Variants in PTPRD observed in about 807,000 individuals in gnomAD.
The protein encoded by PTPRD is protein tyrosine phosphatase receptor type D.
A neutral mutation model predicts 214.5 loss-of-function variants in PTPRD; 34 were observed. The ratio of observed to expected loss-of-function variants is 0.16; its 90% confidence interval spans 0.12 to 0.21. PTPRD has a LOEUF of 0.21. PTPRD is among the 10% of genes least tolerant of loss of function. The probability of loss-of-function intolerance (pLI) is 1.00; values close to 1 mark genes in which losing one functional copy is unlikely to be tolerated. For synonymous variants in PTPRD, 1,128 were observed against 845.7 expected (o/e 1.33, Z -5.79); for missense variants, 2,545 against 2,398.7 (o/e 1.06, Z -1.27).
intron 3 of PTPRD, among the ~76,000 whole-genome samples, chr9:10,285,479 A>G (rs922592026): frequency 6.6e-6 from 1 of 152,182 alleles, no homozygotes; most frequent in Non-Finnish European, 1.5e-5. Flanking sequence ...ATTCTTATAG[A>G]AACATTACAT....
rs1268345570 is a variant in PTPRD at position 10,060,916 on chromosome 9, CTTT to C, written c.-544-27129_-544-27127del. 1.1e-3 allele frequency among the ~76,000 whole-genome samples: 133 copies of C among 115,670 alleles called. 21 individuals carry two copies. The highest frequency in any genetic ancestry group is 6.7e-3 in the African/African-American group (120 of 17,790). The allele number at this position is 115,670 out of a possible 152,430, so 75.9% of individuals were successfully genotyped here. A position where few individuals can be genotyped will look rare whatever the true frequency, so the allele number is the denominator to read the frequency against. On this transcript the variant is annotated intron_variant, in intron 3 of 45. Transcript: ENST00000381196. ...TCCTTCCTTCTTTCTTTCTTTCTTT[CTTT>C]CTTTCTTTCTTTCTTTCTTTCTTTC...
intron 7 of PTPRD, among the ~76,000 whole-genome samples, chr9:9,641,302 G>A (rs1296177646): frequency 1.3e-5 from 2 of 152,186 alleles, no homozygotes; most frequent in Admixed American, 6.5e-5. Flanking sequence ...AATTGTAAAT[G>A]CAGCATGTAA....
At chr9:9,370,148 A>G (rs945721216) in intron 9 of PTPRD, among the ~76,000 whole-genome samples, 1 of 152,118 alleles carries the variant, frequency 6.6e-6, no homozygotes, top group African/African-American at 2.4e-5. Context: ...TTCTGTGAAG[A>G]AAGTCATTGG....
intron 9 of PTPRD, among the ~76,000 whole-genome samples, chr9:9,360,275 G>A (rs2055562165): frequency 6.6e-6 from 1 of 150,872 alleles, no homozygotes; most frequent in African/African-American, 2.4e-5. Flanking sequence ...AAGATGATTG[G>A]CAAAGCCATA....
chr9:9,244,794 A>T (rs887648181), intron 9 of PTPRD, among the ~76,000 whole-genome samples: 20 of 152,290 alleles, frequency 1.3e-4, no homozygotes, highest in African/African-American at 4.6e-4. Context: ...ATGGGATCTC[A>T]TTAAACTAAA....
At position 9,928,757 on chromosome 9, in the gene PTPRD, T is replaced by TACACACACACACAC. The variant is rs60820386; in HGVS notation, c.-368+9736_-368+9749dup. On this transcript the variant is annotated intron_variant, in intron 5 of 45. Transcript: ENST00000381196. ...ACAGTAGCAGTCATCTCTCTCTCTATACACACACACACACACACACACACA... is the reference window on the plus strand; with the variant it reads ...ACAGTAGCAGTCATCTCTCTCTCTATACACACACACACACACACACACACACACACACACACACA... Among the ~76,000 whole-genome samples, 1,425 of 147,192 alleles carry TACACACACACACAC rather than the reference T, an allele frequency of 9.7e-3. 24 individuals carry two copies. The highest frequency in any genetic ancestry group is 0.042 in the East Asian group (207 of 4,952).
rs565133992 is a variant in PTPRD at position 10,411,220 on chromosome 9, G to C, written c.-599-70203C>G. On this transcript the variant is annotated intron_variant, in intron 2 of 45. Transcript: ENST00000381196. The stretch of plus-strand genomic sequence containing the variant: ...TGGTATATTTTGTATTTTTCAATAG[G>C]CCTCTAAATCACCTAATGAGAAGAA... Among the ~76,000 whole-genome samples, 5 of 151,722 alleles carry C rather than the reference G, an allele frequency of 3.3e-5. No individual in the cohort carries two copies. In the South Asian group the frequency reaches 1.0e-3, roughly 31 times the overall value.
intron 12 of PTPRD, among the ~76,000 whole-genome samples, chr9:8,661,988 C>T (rs186416099): frequency 1.1e-4 from 17 of 152,258 alleles, no homozygotes; most frequent in Admixed American, 8.5e-4. Context: ...TGCTACGTTG[C>T]CCAGGCTGGT....
intron 2 of PTPRD, among the ~76,000 whole-genome samples, chr9:10,361,164 G>C (rs760010900): frequency 6.6e-6 from 1 of 152,122 alleles, no homozygotes; most frequent in South Asian, 2.1e-4. Flanking sequence ...AAGTCAAAAA[G>C]TATTGAGAAG....
At chr9:8,959,246 T>C (rs1466948697) in intron 11 of PTPRD, among the ~76,000 whole-genome samples, 3 of 151,920 alleles carry the variant, frequency 2.0e-5, no homozygotes, top group Non-Finnish European at 4.4e-5. Context: ...ATGAGTGCTA[T>C]GAGTGTTTGG....
chr9:10,457,052 T>C (rs1023734462), intron 2 of PTPRD, among the ~76,000 whole-genome samples: 1 of 151,948 alleles, frequency 6.6e-6, no homozygotes, highest in African/African-American at 2.4e-5. Context: ...AAAAATATTG[T>C]ATATTATACA....
intron 9 of PTPRD, among the ~76,000 whole-genome samples, chr9:9,300,945 G>T: frequency 6.6e-6 from 1 of 151,694 alleles, no homozygotes; most frequent in East Asian, 1.9e-4. Context: ...TTTTGTGAGT[G>T]CTTGGATAAT....
intron 8 of PTPRD, among the ~76,000 whole-genome samples, chr9:9,546,977 A>C (rs939482302): frequency 1.3e-5 from 2 of 151,888 alleles, no homozygotes; most frequent in African/African-American, 2.4e-5. Context: ...TTAAAAAAAA[A>C]AATAAAAATA....
chr9:8,513,288 C>T (rs574715064), intron 21 of PTPRD, among the ~76,000 whole-genome samples: 1 of 152,020 alleles, frequency 6.6e-6, no homozygotes, highest in Non-Finnish European at 1.5e-5. Context: ...ACAGACAGAT[C>T]ATATTCTCAT....
At chr9:9,036,861 G>C (rs1262876618) in intron 10 of PTPRD, among the ~76,000 whole-genome samples, 1 of 152,038 alleles carries the variant, frequency 6.6e-6, no homozygotes, top group Non-Finnish European at 1.5e-5. Flanking sequence ...GTTTTGACAG[G>C]AACAAAGCAA....
At chr9:8,696,852 C>T (rs763989000) in intron 12 of PTPRD, among the ~76,000 whole-genome samples, 1 of 152,142 alleles carries the variant, frequency 6.6e-6, no homozygotes, top group Non-Finnish European at 1.5e-5. Context: ...AAAACCGTTC[C>T]CTTTCTTAGT....
Position 9,995,609 on chromosome 9 carries a change from G to C in PTPRD, c.-472+38109C>G, listed in dbSNP as rs563595122. Among the ~76,000 whole-genome samples, 197 of 152,194 alleles carry C rather than the reference G, an allele frequency of 1.3e-3. 1 individual carries two copies. Among genetic ancestry groups the C allele is most frequent in the Non-Finnish European group, 6.5e-4 (44 of 68,018 alleles). On this transcript the variant is annotated intron_variant, in intron 4 of 45. Transcript: ENST00000381196. Reference sequence around the variant, plus strand: ...CAGATTGCCTTTTCCTAAACCTCCTGGTTCAAGGAGCTGTTTCCTCCTGTT... The same window carrying C: ...CAGATTGCCTTTTCCTAAACCTCCTCGTTCAAGGAGCTGTTTCCTCCTGTT...
chr9:9,661,063 T>G (rs2096613484), intron 7 of PTPRD, among the ~76,000 whole-genome samples: 1 of 152,016 alleles, frequency 6.6e-6, no homozygotes, highest in Non-Finnish European at 1.5e-5. Flanking sequence ...CATAAAGAAA[T>G]GAAACTTCCT....
At chr9:9,841,027 G>A (rs965001408) in intron 5 of PTPRD, among the ~76,000 whole-genome samples, 1 of 152,082 alleles carries the variant, frequency 6.6e-6, no homozygotes, top group African/African-American at 2.4e-5. Context: ...GTTGTTGTGA[G>A]GGGAGCTGAA....
Sources: gnomAD v4.1 joint callset for allele counts (sites outside exome capture counted in the v4.1 genomes callset) on GRCh38, gnomAD v4.1.1 for gene constraint, MANE v1.5 for transcripts, NCBI Gene and HGNC (gene_info 2026-07-23, HGNC 2026-07-21) for gene names.